The following ZDHHC14 variants were observed in gnomAD, a reference collection of about 807,000 sequenced individuals.
ZDHHC14 encodes the protein zDHHC palmitoyltransferase 14.
In ZDHHC14, 16 loss-of-function variants were observed where a neutral mutation model predicts 47.7. That is an observed-to-expected ratio of 0.34 (90% CI 0.23 to 0.51). The LOEUF is 0.51. Ranked by LOEUF, ZDHHC14 falls within the 20% of genes least tolerant of loss-of-function variation. The probability of loss-of-function intolerance (pLI) is 0.97; values close to 1 mark genes in which losing one functional copy is unlikely to be tolerated. For synonymous variants in ZDHHC14, 293 were observed against 278.9 expected, an observed-to-expected ratio of 1.05 and a Z score of -0.50; for missense variants, 515 against 662.5, an observed-to-expected ratio of 0.78 and a Z score of 2.44.
Position 157,677,254 on chromosome 6 carries a change from A to AC in ZDHHC14, c.*4132_*4133insC, listed in dbSNP as rs1323370665. 1.3e-5 allele frequency: 2 copies of AC among 151,658 alleles called. No homozygotes were observed. The highest frequency in any genetic ancestry group is 2.9e-5 in the Non-Finnish European group (2 of 67,946). The allele number at this position is 151,658 out of a possible 1,614,324, so 9.4% of individuals were successfully genotyped here. A position where few individuals can be genotyped will look rare whatever the true frequency, so the allele number is the denominator to read the frequency against. On this transcript the variant is annotated 3_prime_UTR_variant, in exon 9 of 9. Transcript: ENST00000359775. ...GGTACCTCATTTAAAAAAAAAAAAAAAAAAAAACTGCCTCTCATTTGTTCC... is the reference window on the plus strand; with the variant it reads ...GGTACCTCATTTAAAAAAAAAAAAAACAAAAAAACTGCCTCTCATTTGTTCC...
rs1346073523 is a variant in ZDHHC14 at position 157,586,995 on chromosome 6, T to A, written c.407-5993T>A. On this transcript the variant is annotated intron_variant, in intron 2 of 8. Transcript: ENST00000359775. The surrounding 1 kb of genome is among the most constrained non-coding windows in gnomAD (Gnocchi z 4.6). ...CAGGAGTGTCAGCAAATACTCACTT[T>A]ATCAAGTCATTGCTACTCAGAACTA... is the stretch of plus-strand genomic sequence containing the variant. Among the ~76,000 whole-genome samples, 1 of 152,272 alleles carries A rather than the reference T, an allele frequency of 6.6e-6. No individual in the cohort carries two copies. Among genetic ancestry groups the A allele is most frequent in the East Asian group, 1.9e-4 (1 of 5,206 alleles).
intron 1 of ZDHHC14, among the ~76,000 whole-genome samples, chr6:157,473,988 CTTTTT>C (rs34287258): frequency 8.4e-6 from 1 of 118,600 alleles, no homozygotes; most frequent in Non-Finnish European, 1.8e-5. Flanking sequence ...ATTTTCTTTT[CTTTTT>C]TTTTTTTTTT....
chr6:157,663,268 A>G (rs1236206726), intron 8 of ZDHHC14, among the ~76,000 whole-genome samples: 1 of 152,360 alleles, frequency 6.6e-6, no homozygotes, highest in East Asian at 1.9e-4. Flanking sequence ...GTGGCCCCAC[A>G]GGTCACATCT....
chr6:157,586,753 G>A lies in ZDHHC14; in HGVS notation c.407-6235G>A, dbSNP rs1001653356. Among the ~76,000 whole-genome samples, 5 of 152,138 alleles carry A rather than the reference G, an allele frequency of 3.3e-5. No individual in the cohort carries two copies. Among genetic ancestry groups the A allele is most frequent in the African/African-American group, 1.2e-4 (5 of 41,438 alleles). On this transcript the variant is annotated intron_variant, in intron 2 of 8. Transcript: ENST00000359775. This position sits in a 1 kb window ranked among gnomAD's most constrained non-coding sequence, Gnocchi z 4.6. ...ATTGGTTGACTTTTTTCATGGCATC[G>A]CTGGGCCCTGAATCCAGGTCTTCTG...
intron 1 of ZDHHC14, among the ~76,000 whole-genome samples, chr6:157,499,479 G>GCCCCC (rs1043228228): frequency 2.6e-4 from 38 of 147,102 alleles, no homozygotes; most frequent in Non-Finnish European, 4.8e-4. Flanking sequence ...ACCTCTCAAA[G>GCCCCC]CCCCCCACCC....
At chr6:157,382,580 C>G (rs1777236377) in intron 1 of ZDHHC14, among the ~76,000 whole-genome samples, 1 of 152,146 alleles carries the variant, frequency 6.6e-6, no homozygotes, top group Non-Finnish European at 1.5e-5. Context: ...TTGGGGCGCT[C>G]TCTACCGAGT....
intron 3 of ZDHHC14, 35 bp downstream of exon 3, chr6:157,593,181 C>A (rs753386591): frequency 6.3e-7 from 1 of 1,582,132 alleles, no homozygotes; most frequent in East Asian, 2.2e-5. Flanking sequence ...GGCGGGAGCC[C>A]GGGTCCTCCG....
chr6:157,648,104 C>T (rs190320755), intron 7 of ZDHHC14, among the ~76,000 whole-genome samples: 145 of 152,350 alleles, frequency 9.5e-4, no homozygotes, highest in African/African-American at 3.2e-3. Context: ...CACTGAGGCA[C>T]GCTGCCTCCA....
chr6:157,509,348 G>A (rs1780405471), intron 1 of ZDHHC14, among the ~76,000 whole-genome samples: 1 of 152,138 alleles, frequency 6.6e-6, no homozygotes, highest in South Asian at 2.1e-4. Context: ...TCAGAATCCT[G>A]CCTGCCACAT....
At chr6:157,654,053 G>A (rs915999408) in intron 8 of ZDHHC14, among the ~76,000 whole-genome samples, 18 of 152,202 alleles carry the variant, frequency 1.2e-4, no homozygotes, top group Admixed American at 3.9e-4. Flanking sequence ...TGGTGCTGCC[G>A]GTTCCCCTGC....
chr6:157,654,886 C>G (rs1469144502), intron 8 of ZDHHC14, among the ~76,000 whole-genome samples: 14 of 152,186 alleles, frequency 9.2e-5, no homozygotes, highest in African/African-American at 2.9e-4. Context: ...CAGGTGCATG[C>G]CACCATGCAG....
intron 1 of ZDHHC14, among the ~76,000 whole-genome samples, chr6:157,481,545 C>T (rs911371287): frequency 2.0e-5 from 3 of 152,222 alleles, no homozygotes; most frequent in Admixed American, 2.0e-4. Flanking sequence ...AGCCCTGGAC[C>T]CTTCCCACCT....
chr6:157,644,784 G>A (rs1304071440), intron 5 of ZDHHC14, among the ~76,000 whole-genome samples: 3 of 152,220 alleles, frequency 2.0e-5, no homozygotes, highest in Non-Finnish European at 2.9e-5. Flanking sequence ...GATGCCAGAT[G>A]TATGTGTAAA....
chr6:157,408,920 G>A (rs1423095539), intron 1 of ZDHHC14, among the ~76,000 whole-genome samples: 2 of 152,286 alleles, frequency 1.3e-5, no homozygotes, highest in African/African-American at 4.8e-5. Flanking sequence ...TTATTCCCTA[G>A]GATGTGATCC....
At chr6:157,418,316 T>C (rs945931601) in intron 1 of ZDHHC14, among the ~76,000 whole-genome samples, 32 of 48,274 alleles carry the variant, frequency 6.6e-4, no homozygotes, top group African/African-American at 1.9e-3. Context: ...ATTTTAAAGC[T>C]ACATTAAAAG....
chr6:157,400,503 T>TA (rs1562410434), intron 1 of ZDHHC14, among the ~76,000 whole-genome samples: 1 of 152,216 alleles, frequency 6.6e-6, no homozygotes, highest in Non-Finnish European at 1.5e-5. Flanking sequence ...AAACAACACT[T>TA]AATCTGACCA....
chr6:157,409,849 G>T (rs943237060), intron 1 of ZDHHC14, among the ~76,000 whole-genome samples: 3 of 151,372 alleles, frequency 2.0e-5, no homozygotes, highest in African/African-American at 7.3e-5. Context: ...TGGGGGGGGG[G>T]ACAGAGTCTT....
At chr6:157,486,176 T>A (rs1779774546) in intron 1 of ZDHHC14, among the ~76,000 whole-genome samples, 1 of 152,204 alleles carries the variant, frequency 6.6e-6, no homozygotes, top group African/African-American at 2.4e-5. Context: ...TCTAGGTGTG[T>A]TCTTGGTGAC....
intron 3 of ZDHHC14, among the ~76,000 whole-genome samples, chr6:157,598,714 T>C (rs1415689382): frequency 6.6e-6 from 1 of 152,238 alleles, no homozygotes; most frequent in Non-Finnish European, 1.5e-5. Context: ...CATACATCTG[T>C]TTTTCATGGC....
Sources: allele counts gnomAD v4.1 joint callset (sites outside exome capture counted in the v4.1 genomes callset), GRCh38; gene constraint gnomAD v4.1.1; non-coding constraint Gnocchi (gnomAD v3.1); transcripts MANE v1.5; gene names NCBI Gene and HGNC (gene_info 2026-07-23, HGNC 2026-07-21).